GALNTL5: variants seen among roughly 807,000 people sequenced by gnomAD.
The protein encoded by GALNTL5 is inactive polypeptide N-acetylgalactosaminyltransferase-like protein 5.
A neutral mutation model predicts 51.0 loss-of-function variants in GALNTL5; 44 were observed. The observed-to-expected ratio is 0.86, with a 90% confidence interval of 0.68 to 1.11. The LOEUF (loss-of-function observed/expected upper bound fraction) is 1.11, where lower values mean the gene tolerates loss of function less well. GALNTL5 is among the 50% of genes least tolerant of loss of function. GALNTL5 has a pLI of 0.00. For synonymous variants in GALNTL5, 192 were observed against 182.8 expected (o/e 1.05, Z -0.41); for missense variants, 528 against 531.8 (o/e 0.99, Z 0.07).
intron 1 of GALNTL5, among the ~76,000 whole-genome samples, chr7:151,961,711 G>T (rs62478449): frequency 0.58 from 88,433 of 152,024 alleles, 25,933 homozygotes; most frequent in Middle Eastern, 0.7. Flanking sequence ...TTTTCCAGGT[G>T]CAGGGATGAC....
At chr7:151,997,835 A>T (rs1167128802) in intron 5 of GALNTL5, among the ~76,000 whole-genome samples, 1 of 152,206 alleles carries the variant, frequency 6.6e-6, no homozygotes, top group African/African-American at 2.4e-5. Flanking sequence ...GCCATTTGGG[A>T]AAATTTTAGG....
intron 1 of GALNTL5, among the ~76,000 whole-genome samples, chr7:151,957,557 A>T: frequency 7.1e-6 from 1 of 139,940 alleles, no homozygotes; most frequent in Non-Finnish European, 1.5e-5. Context: ...TCAAAAAAAA[A>T]AAAGAAAAGA....
At chr7:151,989,995 G>A (rs2081407601) in intron 5 of GALNTL5, among the ~76,000 whole-genome samples, 1 of 152,098 alleles carries the variant, frequency 6.6e-6, no homozygotes, top group Non-Finnish European at 1.5e-5. Context: ...TCAGGCTAGA[G>A]CCTATCTTTT....
intron 3 of GALNTL5, among the ~76,000 whole-genome samples, chr7:151,979,122 T>G (rs2081244453): frequency 6.8e-6 from 1 of 147,716 alleles, no homozygotes; most frequent in Admixed American, 6.7e-5. Context: ...TTTTTTTTTT[T>G]TTTTGGAGAT....
At chr7:151,985,647 G>A (rs1194101598) in intron 4 of GALNTL5, 2 of 152,750 alleles carry the variant, frequency 1.3e-5, no homozygotes, top group African/African-American at 2.4e-5. Context: ...CATAGTCCTG[G>A]TCCCTCTAGA....
chr7:152,017,438 C>T (rs1563029187), intron 8 of GALNTL5, among the ~76,000 whole-genome samples: 2 of 152,106 alleles, frequency 1.3e-5, no homozygotes, highest in Non-Finnish European at 2.9e-5. Flanking sequence ...ATGACTGTAC[C>T]TACAAGAGCA....
chr7:151,977,138 T>A (rs1198149482), intron 3 of GALNTL5, among the ~76,000 whole-genome samples: 1 of 152,202 alleles, frequency 6.6e-6, no homozygotes, highest in African/African-American at 2.4e-5. Context: ...CAAGTTACTT[T>A]ACAATATGGC....
At chr7:151,995,481 G>A (rs904789349) in intron 5 of GALNTL5, 1 of 147,444 alleles carries the variant, frequency 6.8e-6, no homozygotes, top group Non-Finnish European at 1.5e-5. Flanking sequence ...GCTTCTGGAT[G>A]TGGGGTTCAT....
intron 6 of GALNTL5, among the ~76,000 whole-genome samples, chr7:152,005,572 T>A (rs965011722): frequency 2.7e-4 from 41 of 152,160 alleles, no homozygotes; most frequent in African/African-American, 9.7e-4. Context: ...AAGTAGGTAG[T>A]TGGATGCAGT....
intron 6 of GALNTL5, 111 bp downstream of exon 6, chr7:152,003,074 T>C (rs1236129683): frequency 1.1e-6 from 1 of 909,000 alleles, no homozygotes; most frequent in Non-Finnish European, 1.7e-6. Context: ...CAAAATGTTA[T>C]GTTACTTGTT....
intron 6 of GALNTL5, among the ~76,000 whole-genome samples, chr7:152,006,116 A>G (rs1471276971): frequency 1.3e-5 from 2 of 151,768 alleles, no homozygotes; most frequent in Non-Finnish European, 2.9e-5. Context: ...AAGGACCAGG[A>G]AATCTGGTTC....
intron 3 of GALNTL5, among the ~76,000 whole-genome samples, chr7:151,976,413 C>G (rs1042274082): frequency 2.0e-5 from 3 of 152,100 alleles, no homozygotes; most frequent in Admixed American, 6.6e-5. Flanking sequence ...TTTTGACTTA[C>G]TGTCTGTTTT....
chr7:151,991,823 C>A (rs139084521), intron 5 of GALNTL5, among the ~76,000 whole-genome samples: 2 of 151,978 alleles, frequency 1.3e-5, no homozygotes, highest in South Asian at 4.1e-4. Flanking sequence ...CCAGGAAAAA[C>A]GTGTTGAGAT....
intron 5 of GALNTL5, 133 bp from the exon 6 acceptor site, chr7:152,002,581 T>A: frequency 1.2e-6 from 1 of 854,908 alleles, no homozygotes; most frequent in Non-Finnish European, 1.8e-6. Context: ...TTCCTTCCAA[T>A]GAAAATGAAA....
intron 3 of GALNTL5, among the ~76,000 whole-genome samples, chr7:151,973,120 C>G (rs1279820246): frequency 6.6e-6 from 1 of 152,000 alleles, no homozygotes; most frequent in African/African-American, 2.4e-5. Flanking sequence ...ATCACTGTGA[C>G]CTGGATGTGA....
intron 8 of GALNTL5, among the ~76,000 whole-genome samples, chr7:152,019,177 T>G (rs1230705714): frequency 6.6e-6 from 1 of 152,184 alleles, no homozygotes; most frequent in Non-Finnish European, 1.5e-5. Context: ...GGGGAAGACT[T>G]GCCTAGGGTC....
intron 5 of GALNTL5, among the ~76,000 whole-genome samples, chr7:151,998,022 T>C (rs754601648): frequency 7.2e-5 from 11 of 152,008 alleles, no homozygotes; most frequent in Non-Finnish European, 1.5e-4. Flanking sequence ...GACAACACAG[T>C]GAGACACCAT....
intron 5 of GALNTL5, among the ~76,000 whole-genome samples, chr7:152,002,062 C>T (rs1444313307): frequency 1.3e-5 from 2 of 152,086 alleles, no homozygotes; most frequent in African/African-American, 4.8e-5. Flanking sequence ...GGCGGATCAC[C>T]TGAGGTCAGG....
At chr7:151,999,573 G>A (rs1038984052) in intron 5 of GALNTL5, among the ~76,000 whole-genome samples, 8 of 152,200 alleles carry the variant, frequency 5.3e-5, no homozygotes, top group Admixed American at 6.5e-5. Flanking sequence ...GGTTCTTCAC[G>A]TTGGTTTTGA....
Sources: gnomAD v4.1 joint callset for allele counts (sites outside exome capture counted in the v4.1 genomes callset) on GRCh38, gnomAD v4.1.1 for gene constraint, MANE v1.5 for transcripts, NCBI Gene and HGNC (gene_info 2026-07-23, HGNC 2026-07-21) for gene names.